DPH6: variants seen among roughly 807,000 people sequenced by gnomAD.
DPH6 encodes diphthine--ammonia ligase.
DPH6 carries 33 observed loss-of-function variants against 38.2 expected under a neutral mutation model. The ratio of observed to expected loss-of-function variants is 0.86; its 90% CI spans 0.65 to 1.15. DPH6 has a LOEUF of 1.15. DPH6 is among the 50% of genes most tolerant of loss of function. The pLI is 0.00. For synonymous variants in DPH6, 108 were observed against 103.0 expected (o/e 1.05, Z -0.30); for missense variants, 325 against 320.0 (o/e 1.02, Z -0.12).
intron 6 of DPH6, among the ~76,000 whole-genome samples, chr15:35,387,736 T>C (rs1389432050): frequency 1.3e-5 from 2 of 152,136 alleles, no homozygotes; most frequent in African/African-American, 2.4e-5. Context: ...CTTAAGGAGA[T>C]TTTGGGCTGA....
chr15:35,408,055 G>C (rs890428554), intron 6 of DPH6, among the ~76,000 whole-genome samples: 4 of 152,008 alleles, frequency 2.6e-5, no homozygotes, highest in African/African-American at 9.7e-5. Flanking sequence ...TAGTATTCCA[G>C]ACAAGAGGTG....
chr15:35,386,274 T>C (rs993068710), intron 6 of DPH6, among the ~76,000 whole-genome samples: 4 of 152,228 alleles, frequency 2.6e-5, no homozygotes, highest in African/African-American at 9.6e-5. Flanking sequence ...TGGTTCCAAG[T>C]CTTTGCTATT....
intron 5 of DPH6, among the ~76,000 whole-genome samples, chr15:35,436,512 A>AC (rs2053714991): frequency 9.6e-6 from 1 of 104,294 alleles, no homozygotes; most frequent in African/African-American, 3.5e-5. Flanking sequence ...AACAAAACAA[A>AC]ACAAAAAAGG....
intron 5 of DPH6, among the ~76,000 whole-genome samples, chr15:35,444,706 A>T (rs1359920753): frequency 2.6e-5 from 4 of 152,192 alleles, no homozygotes; most frequent in African/African-American, 4.8e-5. Flanking sequence ...TAAATACTCT[A>T]TGAGTCCAGT....
intron 3 of DPH6, among the ~76,000 whole-genome samples, chr15:35,253,444 C>T (rs1021080198): frequency 3.9e-5 from 6 of 152,136 alleles, no homozygotes; most frequent in East Asian, 1.9e-4. Context: ...AAGCACCATT[C>T]GGGAATAATA....
chr15:35,467,322 T>C (rs2054139171), intron 3 of DPH6, among the ~76,000 whole-genome samples: 2 of 152,188 alleles, frequency 1.3e-5, no homozygotes, highest in African/African-American at 4.8e-5. Context: ...CCCAGCACTT[T>C]GGGAGGCCAA....
chr15:35,432,258 T>G (rs921297571), intron 5 of DPH6, among the ~76,000 whole-genome samples: 2 of 152,194 alleles, frequency 1.3e-5, no homozygotes, highest in Admixed American at 1.3e-4. Context: ...ATGTGAACTA[T>G]TTCATGGAAG....
rs371533654 is a variant in DPH6, at chr15:35,436,504, C to CAAAAAAA, written c.505+14180_505+14181insTTTTTTT. 3.3e-4 allele frequency among the ~76,000 whole-genome samples: 36 copies of CAAAAAAA among 108,186 alleles called. 3 individuals are homozygous for CAAAAAAA. The highest frequency in any genetic ancestry group is 1.6e-3 in the African/African-American group (36 of 23,024). The allele number at this position is 108,186 out of a possible 152,430, so 71.0% of individuals were successfully genotyped here. The stretch of plus-strand genomic sequence containing the variant: ...AAAAACAAAACAAAACAAAACAAAA[C>CAAAAAAA]AAAACAAAACAAAAAAGGTTCTCTC... On this transcript the variant is annotated intron_variant, in intron 5 of 8. Coordinates refer to ENST00000256538, the MANE Select transcript of DPH6 (RefSeq NM_080650.4).
At chr15:35,450,169 C>G (rs2053913828) in intron 5 of DPH6, among the ~76,000 whole-genome samples, 1 of 152,132 alleles carries the variant, frequency 6.6e-6, no homozygotes, top group South Asian at 2.1e-4. Context: ...TTTTCTCAAA[C>G]ATGATTTTCT....
Position 35,339,396 on chromosome 15 carries a change from C to T in DPH6, n.208-8319G>A, listed in dbSNP as rs552650971. On this transcript the variant is annotated intron_variant and non_coding_transcript_variant, in intron 3 of 3. Coordinates refer to the DPH6 transcript ENST00000558973. ...CCGGAGTGCAGTGGCGTGATCTCGA[C>T]TCACTGCAACCTCTGCCTCCTGGAT... 6.9e-4 allele frequency among the ~76,000 whole-genome samples: 105 copies of T among 152,042 alleles called. No individual in the cohort carries two copies. The Middle Eastern group carries it at 0.014, about 20-fold the overall frequency.
chr15:35,284,406 T>C (rs2051925054), intron 3 of DPH6, among the ~76,000 whole-genome samples: 1 of 152,104 alleles, frequency 6.6e-6, no homozygotes, highest in African/African-American at 2.4e-5. Context: ...TATCCTGAAA[T>C]AGTCCAAGGA....
At chr15:35,154,527 G>A in the DPH6 span, among the ~76,000 whole-genome samples, 5 of 152,152 alleles carry the variant, frequency 3.3e-5, no homozygotes, top group Non-Finnish European at 7.4e-5. Flanking sequence ...CATTACTTTT[G>A]TTTCATAATT....
At chr15:35,537,450 G>C (rs1025204537) in intron 3 of DPH6, among the ~76,000 whole-genome samples, 3 of 152,036 alleles carry the variant, frequency 2.0e-5, no homozygotes, top group Non-Finnish European at 4.4e-5. Context: ...AAGAATAACT[G>C]AACTGTATTC....
chr15:35,180,392 A>AACACAC, the DPH6 span, among the ~76,000 whole-genome samples: 12 of 140,494 alleles, frequency 8.5e-5, no homozygotes, highest in South Asian at 7.0e-4. Flanking sequence ...TTGGTTTTAA[A>AACACAC]ACACACACAC....
chr15:35,455,179 C>A (rs1349496561), intron 3 of DPH6, among the ~76,000 whole-genome samples: 1 of 152,006 alleles, frequency 6.6e-6, no homozygotes, highest in Non-Finnish European at 1.5e-5. Context: ...AGTATTTTCC[C>A]AGATTGAGTA....
At chr15:35,170,478 G>T in the DPH6 span, among the ~76,000 whole-genome samples, 1 of 152,136 alleles carries the variant, frequency 6.6e-6, no homozygotes, top group African/African-American at 2.4e-5. Flanking sequence ...TTACTTATGT[G>T]TTTGGAGCAT....
At chr15:35,203,938 T>C in the DPH6 span, among the ~76,000 whole-genome samples, 1 of 151,702 alleles carries the variant, frequency 6.6e-6, no homozygotes, top group East Asian at 1.9e-4. Flanking sequence ...TTGGTGGAGA[T>C]CTTATATTAT....
intron 3 of DPH6, among the ~76,000 whole-genome samples, chr15:35,231,509 C>T (rs2051517370): frequency 6.6e-6 from 1 of 152,108 alleles, no homozygotes; most frequent in South Asian, 2.1e-4. Flanking sequence ...TACAAAGGTG[C>T]TTTTTTTGTG....
intron 6 of DPH6, among the ~76,000 whole-genome samples, chr15:35,391,461 A>C (rs1198230439): frequency 6.6e-6 from 1 of 152,208 alleles, no homozygotes. Context: ...AGAGGCAGGC[A>C]GGCCTCCTGG....
Sources: gnomAD v4.1 joint callset for allele counts (sites outside exome capture counted in the v4.1 genomes callset) on GRCh38, gnomAD v4.1.1 for gene constraint, MANE v1.5 for transcripts, NCBI Gene and HGNC (gene_info 2026-07-23, HGNC 2026-07-21) for gene names.